The following CSMD3 variants were observed in gnomAD, a reference collection of about 807,000 sequenced individuals.
CSMD3 encodes the protein CUB and Sushi multiple domains 3.
In CSMD3, 177 loss-of-function variants were observed where a neutral mutation model predicts 435.2. The ratio of observed to expected loss-of-function variants is 0.41; its 90% CI spans 0.36 to 0.46. The LOEUF (loss-of-function observed/expected upper bound fraction) is 0.46. CSMD3 is among the 20% of genes least tolerant of loss of function. The pLI is 0.34. For missense variants in CSMD3, 4,265 were observed against 4,504.6 expected (o/e 0.95, Z 1.52); for synonymous variants, 1,656 against 1,520.5 (o/e 1.09, Z -2.07).
chr8:112,315,023 C>A, intron 47 of CSMD3, among the ~76,000 whole-genome samples: 1 of 151,630 alleles, frequency 6.6e-6, no homozygotes, highest in Non-Finnish European at 1.5e-5. Flanking sequence ...TCTCTTAAAC[C>A]TTCTACTCAC....
intron 2 of CSMD3, chr8:113,312,983 A>C (rs1180510288): frequency 6.6e-6 from 1 of 152,184 alleles, no homozygotes; most frequent in African/African-American, 2.4e-5. Flanking sequence ...CAACCTAGTA[A>C]CCTTGTTTTT....
chr8:113,225,642 T>A (rs930587707), intron 3 of CSMD3, among the ~76,000 whole-genome samples: 2 of 151,516 alleles, frequency 1.3e-5, no homozygotes, highest in African/African-American at 2.4e-5. Context: ...GTTAATTACA[T>A]AGACAAATTT....
chr8:112,965,224 C>A (rs2084372952), intron 7 of CSMD3, among the ~76,000 whole-genome samples: 2 of 151,966 alleles, frequency 1.3e-5, no homozygotes, highest in South Asian at 4.1e-4. Context: ...ACGCCACATT[C>A]ACTGTGACGA....
Position 113,200,738 on chromosome 8 carries a change from T to A in CSMD3, c.515-26822A>T, listed in dbSNP as rs2092708328. Among the ~76,000 whole-genome samples, 5 of 151,360 alleles carry A rather than the reference T, an allele frequency of 3.3e-5. No individual in the cohort carries two copies. The South Asian group carries it at 8.3e-4, about 25-fold the overall frequency. ...CTACACTTGCTCCCTTCTTCCAGTCTTACGTTAAATGTCACAGCCTCAAAC... is the reference window on the plus strand; with the variant it reads ...CTACACTTGCTCCCTTCTTCCAGTCATACGTTAAATGTCACAGCCTCAAAC... On this transcript the variant is annotated intron_variant, in intron 3 of 70. Coordinates refer to ENST00000297405, the MANE Select transcript of CSMD3 (RefSeq NM_198123.2).
intron 61 of CSMD3, among the ~76,000 whole-genome samples, chr8:112,261,608 G>A (rs962254037): frequency 1.6e-4 from 25 of 151,910 alleles, no homozygotes; most frequent in Non-Finnish European, 3.2e-4. Context: ...AAAGAATGCT[G>A]ACAACAATAT....
intron 22 of CSMD3, among the ~76,000 whole-genome samples, chr8:112,602,566 CAAAAAAA>C (rs199693088): frequency 8.0e-6 from 1 of 125,082 alleles, no homozygotes; most frequent in Admixed American, 8.3e-5. Context: ...AACTCTGTCT[CAAAAAAA>C]AAAAAAAAAA....
chr8:113,338,147 AAT>A (rs1285780874), intron 1 of CSMD3, among the ~76,000 whole-genome samples: 1 of 151,976 alleles, frequency 6.6e-6, no homozygotes, highest in Non-Finnish European at 1.5e-5. Flanking sequence ...CCCTGGTAAA[AAT>A]ATATAAACAA....
At chr8:112,331,902 T>C (rs920341071) in intron 45 of CSMD3, among the ~76,000 whole-genome samples, 1 of 152,216 alleles carries the variant, frequency 6.6e-6, no homozygotes, top group Admixed American at 6.5e-5. Flanking sequence ...TTTACTATTA[T>C]GAGATTTCCT....
At chr8:112,490,303 G>C (rs939613005) in intron 31 of CSMD3, among the ~76,000 whole-genome samples, 2 of 152,062 alleles carry the variant, frequency 1.3e-5, no homozygotes, top group African/African-American at 4.8e-5. Context: ...TTTGAATTCA[G>C]GTCTGCTGTA....
intron 1 of CSMD3, among the ~76,000 whole-genome samples, chr8:113,425,523 A>G (rs1181248648): frequency 6.6e-6 from 1 of 151,336 alleles, no homozygotes; most frequent in African/African-American, 2.4e-5. Context: ...GAACTCACAA[A>G]TTGGCAATAT....
intron 10 of CSMD3, among the ~76,000 whole-genome samples, chr8:112,898,833 T>G (rs1339165406): frequency 6.6e-6 from 1 of 151,252 alleles, no homozygotes; most frequent in African/African-American, 2.4e-5. Flanking sequence ...ATTTTTTTCT[T>G]TGTCACAAAT....
At chr8:112,783,510 GGGAGGGAGGGAGGGAAGGAC>G (rs2078455591) in intron 13 of CSMD3, among the ~76,000 whole-genome samples, 1 of 133,352 alleles carries the variant, frequency 7.5e-6, no homozygotes, top group Non-Finnish European at 1.6e-5. Context: ...GAGGGAGGAA[GGGAGGGAGGGAGGGAAGGAC>G]GGAGGGAAGA....
chr8:113,326,693 T>C (rs1230462896), intron 1 of CSMD3, among the ~76,000 whole-genome samples: 1 of 152,152 alleles, frequency 6.6e-6, no homozygotes, highest in Non-Finnish European at 1.5e-5. Context: ...TCTGCTACTA[T>C]TAAGTAAACT....
chr8:112,880,450 G>A (rs537547730), intron 10 of CSMD3, among the ~76,000 whole-genome samples: 7 of 151,998 alleles, frequency 4.6e-5, no homozygotes, highest in Non-Finnish European at 7.4e-5. Context: ...AGACATTTTC[G>A]CTACCCTGAT....
rs144017943 is a variant in CSMD3, at chr8:112,904,163, T to C, written c.1633+17464A>G. ...TTAACTAGGCTGTCTTCCCAAAATA[T>C]GGTGACATTCACCTTAGATGTATCA... On this transcript the variant is annotated intron_variant, in intron 10 of 70. Transcript: ENST00000297405. Among the ~76,000 whole-genome samples the C allele has an allele frequency of 2.6e-4, 39 of 151,542 alleles. No individual in the cohort carries two copies. The East Asian group carries it at 7.1e-3, about 27-fold the overall frequency.
chr8:113,314,815 A>G (rs368005519), intron 1 of CSMD3, 22 bp from the exon 2 acceptor site: 3 of 1,359,070 alleles, frequency 2.2e-6, no homozygotes, highest in Non-Finnish European at 3.2e-6. Context: ...GACAATAAAC[A>G]GACATTAATA....
At chr8:112,639,218 T>G (rs964070075) in intron 20 of CSMD3, among the ~76,000 whole-genome samples, 6 of 152,068 alleles carry the variant, frequency 3.9e-5, no homozygotes, top group African/African-American at 1.4e-4. Flanking sequence ...ATATCTTTTG[T>G]TTATAATAGA....
intron 13 of CSMD3, among the ~76,000 whole-genome samples, chr8:112,735,587 C>T (rs1019603): frequency 0.33 from 50,512 of 151,792 alleles, 9,272 homozygotes; most frequent in African/African-American, 0.5. Context: ...TCACAAGACA[C>T]TTACAGTCCA....
intron 2 of CSMD3, among the ~76,000 whole-genome samples, chr8:113,279,926 C>T (rs1047784978): frequency 2.6e-5 from 4 of 151,470 alleles, no homozygotes; most frequent in Non-Finnish European, 4.4e-5. Context: ...GAGATGATCA[C>T]GTGAATTTTG....
Sources: gnomAD v4.1 joint callset for allele counts (sites outside exome capture counted in the v4.1 genomes callset) on GRCh38, gnomAD v4.1.1 for gene constraint, MANE v1.5 for transcripts, NCBI Gene and HGNC (gene_info 2026-07-23, HGNC 2026-07-21) for gene names.